Variants in APBA2 observed in about 807,000 individuals in gnomAD.
APBA2 encodes the protein amyloid beta precursor protein binding family A member 2, also known as amyloid-beta A4 precursor protein-binding family A member 2.
APBA2 carries 30 observed loss-of-function variants against 75.0 expected under a neutral mutation model. The observed-to-expected ratio is 0.40, with a 90% CI of 0.30 to 0.54. The LOEUF (loss-of-function observed/expected upper bound fraction) is 0.54. APBA2 is among the 20% of genes least tolerant of loss of function. The pLI is 0.49. For synonymous variants in APBA2, 444 were observed against 409.6 expected (o/e 1.08, Z -1.01); for missense variants, 801 against 1,016.1 (o/e 0.79, Z 2.88).
chr15:29,112,829 G>A (rs2044809213), intron 13 of APBA2, among the ~76,000 whole-genome samples: 2 of 152,076 alleles, frequency 1.3e-5, no homozygotes, highest in African/African-American at 4.8e-5. Flanking sequence ...TCCCCAACAG[G>A]AACTTTGTCC....
chr15:29,048,329 C>T (rs2041440082), intron 3 of APBA2, among the ~76,000 whole-genome samples: 1 of 152,078 alleles, frequency 6.6e-6, no homozygotes, highest in Non-Finnish European at 1.5e-5. Flanking sequence ...GCCTGGGCGA[C>T]AGAGCGAGAC....
At chr15:28,960,148 CAA>C (rs59345963) in intron 2 of APBA2, among the ~76,000 whole-genome samples, 3,957 of 93,104 alleles carry the variant, frequency 0.043, 208 homozygotes, top group African/African-American at 0.15. Context: ...GACCTTGTTT[CAA>C]AAAAAAAAAA....
chr15:28,902,875 C>T (rs951204066), intron 1 of APBA2, among the ~76,000 whole-genome samples: 1 of 152,130 alleles, frequency 6.6e-6, no homozygotes, highest in Non-Finnish European at 1.5e-5. Flanking sequence ...CTTTACTGTT[C>T]CCATGAAAAC....
At chr15:28,891,364 C>A (rs1042327806) in intron 1 of APBA2, among the ~76,000 whole-genome samples, 3 of 152,264 alleles carry the variant, frequency 2.0e-5, no homozygotes, top group Middle Eastern at 3.4e-3. Context: ...TGTTTTCTCC[C>A]TGTCTCCTGC....
chr15:28,987,725 GAGAGATATAT>G lies in APBA2; in HGVS notation c.-94-8026_-94-8017del, dbSNP rs1332628374. On this transcript the variant is annotated intron_variant, in intron 2 of 14. Transcript: ENST00000683413. The stretch of plus-strand genomic sequence containing the variant: ...AAGGGAGTGTCAAAGAATATGTGGA[GAGAGATATAT>G]ATATATATATATATATATTCTTTTT... 2.0e-4 allele frequency among the ~76,000 whole-genome samples: 24 copies of G among 118,560 alleles called. 1 individual carries two copies. Among genetic ancestry groups the G allele is most frequent in the East Asian group, 1.0e-3 (3 of 2,946 alleles). 77.8% of individuals were successfully genotyped at this position (118,560 alleles called of 152,430 possible).
chr15:29,083,241 A>G (rs1196128908), intron 6 of APBA2, among the ~76,000 whole-genome samples: 1 of 152,150 alleles, frequency 6.6e-6, no homozygotes, highest in Admixed American at 6.5e-5. Flanking sequence ...AGAACTATCC[A>G]AGGAATCTTT....
chr15:28,980,624 A>G (rs954044781), intron 2 of APBA2, among the ~76,000 whole-genome samples: 3 of 152,252 alleles, frequency 2.0e-5, no homozygotes, highest in Non-Finnish European at 4.4e-5. Context: ...TGCCCAAAGC[A>G]ATTGACAGAT....
chr15:29,110,819 G>A (rs750139568), intron 13 of APBA2, among the ~76,000 whole-genome samples: 13 of 152,196 alleles, frequency 8.5e-5, no homozygotes, highest in Non-Finnish European at 1.8e-4. Flanking sequence ...CCAGGTGCAG[G>A]GTTCTGTGCC....
chr15:29,030,064 C>G (rs1168968055), intron 3 of APBA2, among the ~76,000 whole-genome samples: 2 of 152,228 alleles, frequency 1.3e-5, no homozygotes, highest in East Asian at 3.8e-4. Flanking sequence ...TGCAGAAGAA[C>G]TAGGTGCCTC....
intron 4 of APBA2, among the ~76,000 whole-genome samples, chr15:29,064,146 A>C (rs2042273348): frequency 6.6e-6 from 1 of 152,170 alleles, no homozygotes; most frequent in African/African-American, 2.4e-5. Flanking sequence ...AAGTTAGCTG[A>C]GAAGCCCACA....
At chr15:28,893,623 T>C (rs1349502691) in intron 1 of APBA2, among the ~76,000 whole-genome samples, 1 of 152,234 alleles carries the variant, frequency 6.6e-6, no homozygotes, top group Non-Finnish European at 1.5e-5. Context: ...GTGAAGATTC[T>C]GCCTGTGAAC....
intron 3 of APBA2, among the ~76,000 whole-genome samples, chr15:29,048,326 C>T (rs374321835): frequency 6.6e-6 from 1 of 152,098 alleles, no homozygotes; most frequent in South Asian, 2.1e-4. Flanking sequence ...TTAGCCTGGG[C>T]GACAGAGCGA....
intron 1 of APBA2, among the ~76,000 whole-genome samples, chr15:28,921,292 A>G (rs961187485): frequency 2.6e-5 from 4 of 152,218 alleles, no homozygotes; most frequent in African/African-American, 9.6e-5. Context: ...ATCTTCCTAC[A>G]TTGAAAAATG....
chr15:29,113,578 A>C (rs2044864075), intron 13 of APBA2, among the ~76,000 whole-genome samples: 1 of 152,072 alleles, frequency 6.6e-6, no homozygotes, highest in Non-Finnish European at 1.5e-5. Context: ...GGGCTGTGTC[A>C]CCAGTCTCTA....
chr15:29,018,410 G>A (rs530931403), intron 3 of APBA2, among the ~76,000 whole-genome samples: 1 of 152,302 alleles, frequency 6.6e-6, no homozygotes, highest in East Asian at 1.9e-4. Flanking sequence ...CAGATTGGGA[G>A]GAATTATATA....
intron 2 of APBA2, among the ~76,000 whole-genome samples, chr15:28,949,368 A>G (rs948800831): frequency 6.6e-6 from 1 of 152,204 alleles, no homozygotes; most frequent in South Asian, 2.1e-4. Context: ...TATCTGCGGA[A>G]GAGCACTTTC....
intron 3 of APBA2, among the ~76,000 whole-genome samples, chr15:29,018,981 G>A (rs2039814186): frequency 6.6e-6 from 1 of 152,188 alleles, no homozygotes. Flanking sequence ...TTGTGAGGCA[G>A]TAGAGACTGG....
At chr15:28,969,777 C>T (rs908519000) in intron 2 of APBA2, among the ~76,000 whole-genome samples, 4 of 152,150 alleles carry the variant, frequency 2.6e-5, no homozygotes, top group South Asian at 2.1e-4. Context: ...AAATTCTGTG[C>T]GGGGGCTGAG....
intron 2 of APBA2, among the ~76,000 whole-genome samples, chr15:28,945,437 G>A (rs929777939): frequency 1.3e-5 from 2 of 151,968 alleles, no homozygotes; most frequent in African/African-American, 2.4e-5. Flanking sequence ...AAAATTTCAC[G>A]TTACAAAAAA....
Sources: gnomAD v4.1 joint callset for allele counts (sites outside exome capture counted in the v4.1 genomes callset) on GRCh38, gnomAD v4.1.1 for gene constraint, MANE v1.5 for transcripts, NCBI Gene and HGNC (gene_info 2026-07-23, HGNC 2026-07-21) for gene names.